SCN9A: variants seen among roughly 807,000 people sequenced by gnomAD.
The protein encoded by SCN9A is sodium channel protein type 9 subunit alpha.
SCN9A carries 131 observed loss-of-function variants against 187.0 expected under a neutral mutation model. The observed-to-expected ratio is 0.70, with a 90% CI of 0.61 to 0.81. The LOEUF (loss-of-function observed/expected upper bound fraction) is 0.81. Among genes scored for constraint, SCN9A ranks in the 30% least tolerant of loss-of-function variants. The pLI, the probability that SCN9A is intolerant of heterozygous loss-of-function variation, is 0.00. For missense variants in SCN9A, 2,252 were observed against 2,396.6 expected (o/e 0.94, Z 1.26); for synonymous variants, 809 against 808.6 (o/e 1.00, Z -0.01).
chr2:166,266,974 A>G (rs1292677103), intron 17 of SCN9A, among the ~76,000 whole-genome samples: 6 of 152,068 alleles, frequency 3.9e-5, no homozygotes, highest in South Asian at 2.1e-4. Flanking sequence ...AGAACTCTCT[A>G]TATCTAAGAT....
intron 24 of SCN9A, among the ~76,000 whole-genome samples, chr2:166,216,406 T>G (rs1385788187): frequency 1.3e-5 from 2 of 151,944 alleles, no homozygotes; most frequent in East Asian, 1.9e-4. Flanking sequence ...GAAAAAGAAA[T>G]AAAATACATC....
chr2:166,356,496 C>T (rs13431341), intron 1 of SCN9A, among the ~76,000 whole-genome samples: 103,986 of 151,938 alleles, frequency 0.68, 36,295 homozygotes, highest in African/African-American at 0.83. Context: ...CCCATTTTTT[C>T]CCCATAAATA....
At position 166,198,690 on chromosome 2, in the gene SCN9A, G is replaced by A. The variant is rs201640210; in HGVS notation, c.5949C>T (p.Ser1983=). Reference sequence around the variant, plus strand: ...TGAAGCTCTATTTTTTGCTTTCCTTGCTGTCTTTCCCTTTGTCTTCCTTTT... The same window carrying A: ...TGAAGCTCTATTTTTTGCTTTCCTTACTGTCTTTCCCTTTGTCTTCCTTTT... The part of the protein sequence containing the change: ...RTEKEDKGKD[S]KESKK Residue 1983 remains serine (S), a synonymous_variant, in exon 27 of 27, where the codon AGC becomes AGT. Coordinates refer to ENST00000642356, the MANE Select transcript of SCN9A (RefSeq NM_001365536.1). 1 of 1,593,346 alleles carries A rather than the reference G, an allele frequency of 6.3e-7. No homozygotes were observed. The highest frequency in any genetic ancestry group is 1.4e-5 in the African/African-American group (1 of 73,558).
At position 166,251,849 on chromosome 2, in the gene SCN9A, C is replaced by G. The variant is rs765384427; in HGVS notation, c.3388G>C (p.Val1130Leu). Residue 1130 changes from valine to leucine, a missense_variant, in exon 18 of 27, where the codon GTT becomes CTT. Around this residue, in one of 7 missense-constraint regions of SCN9A, gnomAD observed 313 missense variants for 295.3 expected, o/e 1.06. Transcript: ENST00000642356. The part of the protein sequence containing the change: ...NRSSSSECST[V>L]DNPLPGEGEE... ...CCTTCTCCAGGCAAAGGGTTATCAA[C>G]TGTGCTGCACTCTGAGGAGCTTGAC... The G allele has an allele frequency of 6.2e-7, 1 of 1,612,618 alleles. No homozygotes were observed.
chr2:166,256,076 G>A (rs1431771877), intron 17 of SCN9A, among the ~76,000 whole-genome samples: 2 of 151,206 alleles, frequency 1.3e-5, no homozygotes, highest in Admixed American at 6.6e-5. Context: ...TATTTTCCAA[G>A]TTTCCCATTA....
At position 166,331,055 on chromosome 2, in the gene SCN9A, G is replaced by C. The variant is rs542699414; in HGVS notation, c.-50-19249C>G. On this transcript the variant is annotated intron_variant, in intron 1 of 26. Transcript: ENST00000642356. ...ACAAAAGACAGATTAATATAAAAGT[G>C]AATGTTTATTAAAAGTGAGAACAAA... Among the ~76,000 whole-genome samples, 40 of 152,224 alleles carry C rather than the reference G, an allele frequency of 2.6e-4. No homozygotes were observed. The South Asian group carries it at 8.3e-3, about 32-fold the overall frequency.
At chr2:166,301,775 C>T (rs1041194796) in intron 7 of SCN9A, 3 of 150,560 alleles carry the variant, frequency 2.0e-5, no homozygotes, top group Non-Finnish European at 4.4e-5. Flanking sequence ...AATTCTCCAT[C>T]CATTGGAAAT....
At chr2:166,243,489 C>T (rs1695655043) in intron 18 of SCN9A, among the ~76,000 whole-genome samples, 1 of 151,924 alleles carries the variant, frequency 6.6e-6, no homozygotes, top group South Asian at 2.1e-4. Context: ...ATCAATCTCA[C>T]CTGGCTTATT....
intron 1 of SCN9A, among the ~76,000 whole-genome samples, chr2:166,327,393 G>C (rs559205490): frequency 1.3e-4 from 20 of 152,292 alleles, no homozygotes; most frequent in Non-Finnish European, 8.8e-5. Context: ...CTGGGCTCAA[G>C]TGATCTGCCC....
Position 166,270,985 on chromosome 2 carries a change from C to T in SCN9A, c.3351+1414G>A, listed in dbSNP as rs142152538. Among the ~76,000 whole-genome samples, 207 of 151,990 alleles carry T rather than the reference C, an allele frequency of 1.4e-3. 1 individual carries two copies. The highest frequency in any genetic ancestry group is 4.7e-3 in the African/African-American group (196 of 41,468). On this transcript the variant is annotated intron_variant, in intron 17 of 26. Coordinates refer to ENST00000642356, the MANE Select transcript of SCN9A (RefSeq NM_001365536.1). ...AATCTCATAAAAGTAATTTGTAATA[C>T]GGTTGTTATATTTCACAATAAAAAT...
At chr2:166,331,686 G>A (rs943462462) in intron 1 of SCN9A, among the ~76,000 whole-genome samples, 1 of 152,148 alleles carries the variant, frequency 6.6e-6, no homozygotes, top group Non-Finnish European at 1.5e-5. Flanking sequence ...TAAGAGATGA[G>A]TGTCTTCTTC....
intron 5 of SCN9A, among the ~76,000 whole-genome samples, chr2:166,304,964 T>C (rs1202488511): frequency 1.3e-5 from 2 of 152,146 alleles, no homozygotes; most frequent in Admixed American, 6.6e-5. Context: ...GAAGAGGCAG[T>C]CTTCTTTGCA....
chr2:166,286,355 C>G lies in SCN9A; in HGVS notation c.1583G>C (p.Arg528Thr), dbSNP rs1403714469. The change falls in exon 11 of 27, where the codon AGG (arginine) becomes ACG (threonine). Residue 528 changes from arginine (R) to threonine (T), a missense_variant. Around this residue, in one of 7 missense-constraint regions of SCN9A, gnomAD observed 1,013 missense variants for 997.4 expected, o/e 1.02. Coordinates refer to ENST00000642356, the MANE Select transcript of SCN9A (RefSeq NM_001365536.1). ...TGGTACCTGATTGGGGGTAGACAAC[C>G]TCTTTTCATGTGCTCGCCTATGCCC... is the stretch of plus-strand genomic sequence containing the variant. Reference protein sequence around the residue: ...VEGHRRAHEKRLSTPNQSPLS... With the variant: ...VEGHRRAHEKTLSTPNQSPLS... The G allele has an allele frequency of 6.2e-7, 1 of 1,609,380 alleles. No homozygotes were observed. Among genetic ancestry groups the G allele is most frequent in the Non-Finnish European group, 8.5e-7 (1 of 1,178,424 alleles).
Position 166,292,093 on chromosome 2 carries a change from C to A in SCN9A, c.1107+1138G>T, listed in dbSNP as rs557250555. On this transcript the variant is annotated intron_variant, in intron 9 of 26. Coordinates refer to ENST00000642356, the MANE Select transcript of SCN9A (RefSeq NM_001365536.1). The stretch of plus-strand genomic sequence containing the variant: ...AATGGGATATAACTAAACTAAAGAG[C>A]TTCTGCACAGCAAAAGAAACTAACA... Among the ~76,000 whole-genome samples the A allele has an allele frequency of 1.3e-4, 20 of 152,232 alleles. No individual in the cohort carries two copies. The South Asian group carries it at 4.1e-3, about 32-fold the overall frequency.
At chr2:166,222,945 CAAAAAAAAAAAAAA>C (rs1309168684) in intron 24 of SCN9A, among the ~76,000 whole-genome samples, 1 of 44,984 alleles carries the variant, frequency 2.2e-5, no homozygotes, top group Non-Finnish European at 4.0e-5. Flanking sequence ...AAAAAAACAA[CAAAAAAAAAAAAAA>C]AAAAAAAAAA....
intron 23 of SCN9A, among the ~76,000 whole-genome samples, 156 bp downstream of exon 23, chr2:166,227,514 C>T (rs1051528710): frequency 2.0e-5 from 3 of 152,244 alleles, no homozygotes; most frequent in African/African-American, 7.2e-5. Flanking sequence ...CTATCTCCAA[C>T]TGCTGTACTC....
At chr2:166,336,936 A>G (rs1344326549) in intron 1 of SCN9A, among the ~76,000 whole-genome samples, 1 of 152,154 alleles carries the variant, frequency 6.6e-6, no homozygotes, top group Admixed American at 6.6e-5. Context: ...CTTAACAAAG[A>G]AAGTGGAGAG....
intron 19 of SCN9A, among the ~76,000 whole-genome samples, chr2:166,242,269 T>C (rs1017561746): frequency 6.7e-6 from 1 of 150,296 alleles, no homozygotes; most frequent in East Asian, 2.0e-4. Context: ...TCTTTTCTAT[T>C]ATAGCCATCT....
intron 24 of SCN9A, among the ~76,000 whole-genome samples, chr2:166,209,313 A>C (rs1693966436): frequency 6.6e-6 from 1 of 152,236 alleles, no homozygotes; most frequent in Non-Finnish European, 1.5e-5. Context: ...AGAAATCCGC[A>C]GTTACTGACC....
Sources: gnomAD v4.1 joint callset for allele counts (sites outside exome capture counted in the v4.1 genomes callset) on GRCh38, gnomAD v4.1.1 for gene constraint, gnomAD v4.1.1 regional missense constraint, MANE v1.5 for transcripts, NCBI Gene and HGNC (gene_info 2026-07-23, HGNC 2026-07-21) for gene names.